CCR3: variants seen among roughly 807,000 people sequenced by gnomAD.
CCR3 encodes C-C motif chemokine receptor 3.
For synonymous variants in CCR3, 203 were observed against 179.2 expected, an observed-to-expected ratio of 1.13 and a Z score of -1.06; for missense variants, 419 against 437.5, an observed-to-expected ratio of 0.96 and a Z score of 0.38.
intron 1 of CCR3, among the ~76,000 whole-genome samples, chr3:46,249,180 C>T (rs1158128429): frequency 6.6e-5 from 10 of 151,914 alleles, no homozygotes; most frequent in South Asian, 2.1e-4. Flanking sequence ...AAGAAGAGGA[C>T]GCAAAGGAGG....
intron 2 of CCR3, among the ~76,000 whole-genome samples, chr3:46,226,827 G>T (rs1699902786): frequency 6.6e-6 from 1 of 151,356 alleles, no homozygotes. Context: ...TCTATTTTTA[G>T]TTTGCTGAGT....
intron 1 of CCR3, among the ~76,000 whole-genome samples, chr3:46,243,123 A>T (rs1226990197): frequency 1.3e-5 from 2 of 151,620 alleles, no homozygotes; most frequent in African/African-American, 2.4e-5. Context: ...ATATAAAATG[A>T]TGTAGTATTT....
rs1699785770 is a variant in CCR3 at position 46,217,192 on chromosome 3, CCAA to C, written c.-68+6291_-68+6293del. On this transcript the variant is annotated intron_variant, in intron 2 of 3. Coordinates refer to the CCR3 transcript ENST00000357422. ...TATATCAGTCAAAACAGACTTAAAA[CCAA>C]CAACAGTTAAAAAAGACAAAGAGAA... Among the ~76,000 whole-genome samples the C allele has an allele frequency of 3.3e-5, 5 of 152,186 alleles. No individual in the cohort carries two copies. The South Asian group carries it at 1.0e-3, about 32-fold the overall frequency.
At chr3:46,264,522 A>G (rs1343438912) in intron 1 of CCR3, 3 of 953,428 alleles carry the variant, frequency 3.1e-6, no homozygotes, top group Non-Finnish European at 4.8e-6. Flanking sequence ...GACAGGAGAA[A>G]TGGACATGGA....
chr3:46,225,326 T>G (rs992442453), intron 2 of CCR3, among the ~76,000 whole-genome samples: 1 of 152,218 alleles, frequency 6.6e-6, no homozygotes, highest in Admixed American at 6.5e-5. Flanking sequence ...AGGCATTAAC[T>G]CATTAGGCAT....
chr3:46,265,871 T>A lies in CCR3; in HGVS notation c.713T>A (p.Ile238Asn). 1 of 1,614,144 alleles carries A rather than the reference T, an allele frequency of 6.2e-7. No homozygotes were observed. Among genetic ancestry groups the A allele is most frequent in the Non-Finnish European group, 8.5e-7 (1 of 1,180,002 alleles). The change falls in exon 2 of 2, where the codon ATC (isoleucine) becomes AAC (asparagine). Residue 238 changes from isoleucine to asparagine, a missense_variant. Physicochemically the swap from Ile to Asn is moderately radical, Grantham distance 149 (BLOSUM62 -3). Transcript: ENST00000395940. Reference protein sequence around the residue: ...RCPSKKKYKAIRLIFVIMAVF... With the variant: ...RCPSKKKYKANRLIFVIMAVF... ...CCCAGTAAAAAAAAGTACAAGGCCA[T>A]CCGGCTCATTTTTGTCATCATGGCG...
Position 46,266,217 on chromosome 3 carries a change from T to G in CCR3, c.1059T>G (p.Ile353Met), listed in dbSNP as rs770844970. The stretch of plus-strand genomic sequence containing the variant: ...CCACAGCAGAGCCGGAACTCTCTAT[T>G]GTGTTTTAGGTCAGATGCAGAAAAT... Reference protein sequence around the residue: ...SPSTAEPELSIVF With the variant: ...SPSTAEPELSMVF Residue 353 changes from isoleucine (I) to methionine (M), a missense_variant, in exon 2 of 2, where the codon ATT becomes ATG. Physicochemically the swap from Ile to Met is conservative, Grantham distance 10. Coordinates refer to ENST00000395940, the MANE Select transcript of CCR3 (RefSeq NM_178329.3). 6.2e-7 allele frequency: 1 copy of G among 1,609,486 alleles called. No homozygotes were observed. Among genetic ancestry groups the G allele is most frequent in the African/African-American group, 1.3e-5 (1 of 74,906 alleles).
Position 46,265,214 on chromosome 3 carries a change from A to G in CCR3, c.56A>G (p.Asp19Gly). The change falls in exon 2 of 2, where the codon GAC becomes GGC. Residue 19 changes from aspartate (D) to glycine (G), a missense_variant. Asp to Gly is a moderately conservative substitution (Grantham distance 94). Coordinates refer to ENST00000395940, the MANE Select transcript of CCR3 (RefSeq NM_178329.3). Reference sequence around the variant, plus strand: ...TTTGGTACCACATCCTACTATGATGACGTGGGCCTGCTCTGTGAAAAAGCT... The same window carrying G: ...TTTGGTACCACATCCTACTATGATGGCGTGGGCCTGCTCTGTGAAAAAGCT... ...ETFGTTSYYD[D>G]VGLLCEKADT... The G allele has an allele frequency of 6.2e-7, 1 of 1,614,058 alleles. No homozygotes were observed. Among genetic ancestry groups the G allele is most frequent in the East Asian group, 2.2e-5 (1 of 44,860 alleles).
intron 2 of CCR3, among the ~76,000 whole-genome samples, chr3:46,214,262 C>T (rs1378261615): frequency 6.6e-6 from 1 of 152,098 alleles, no homozygotes; most frequent in Non-Finnish European, 1.5e-5. Context: ...TACAAGCCCC[C>T]ACCTCTCACC....
At chr3:46,259,600 T>C (rs542710751) in intron 1 of CCR3, among the ~76,000 whole-genome samples, 101 of 152,328 alleles carry the variant, frequency 6.6e-4, no homozygotes, top group Admixed American at 4.4e-3. Flanking sequence ...TCCCATGCAA[T>C]GTAATATGTT....
intron 2 of CCR3, among the ~76,000 whole-genome samples, chr3:46,218,856 C>T (rs887740184): frequency 2.6e-5 from 4 of 152,182 alleles, no homozygotes; most frequent in East Asian, 3.9e-4. Flanking sequence ...TCTATGACAA[C>T]CCCACAGCTA....
chr3:46,262,560 C>G (rs1700545925), intron 1 of CCR3, among the ~76,000 whole-genome samples: 1 of 152,166 alleles, frequency 6.6e-6, no homozygotes, highest in African/African-American at 2.4e-5. Context: ...ATTCAAACCT[C>G]TTCACTATTT....
At chr3:46,219,594 C>T (rs1383775728) in intron 2 of CCR3, among the ~76,000 whole-genome samples, 2 of 152,142 alleles carry the variant, frequency 1.3e-5, no homozygotes, top group African/African-American at 4.8e-5. Context: ...TACTACAAGG[C>T]TATAGTTACC....
chr3:46,262,092 T>C (rs897539831), intron 1 of CCR3, among the ~76,000 whole-genome samples: 9 of 152,138 alleles, frequency 5.9e-5, no homozygotes, highest in Admixed American at 6.5e-5. Context: ...TGGCCCTTCC[T>C]CCAGATCTCT....
In CCR3 at chr3:46,265,607, G is replaced by C; in HGVS notation, c.449G>C (p.Gly150Ala). Residue 150 changes from glycine to alanine, a missense_variant, in exon 2 of 2, where the codon GGT (glycine) becomes GCT (alanine). Physicochemically the swap from Gly to Ala is moderately conservative, Grantham distance 60. Coordinates refer to ENST00000395940, the MANE Select transcript of CCR3 (RefSeq NM_178329.3). ...FALRARTVTF[G>A]VITSIVTWGL... ...CTTCGAGCCCGGACTGTCACTTTTG[G>C]TGTCATCACCAGCATCGTCACCTGG... 1.2e-6 allele frequency: 2 copies of C among 1,614,094 alleles called. No homozygotes were observed. Among genetic ancestry groups the C allele is most frequent in the Non-Finnish European group, 1.7e-6 (2 of 1,180,022 alleles).
At chr3:46,241,807 C>T (rs934562602), upstream of CCR3, among the ~76,000 whole-genome samples, 26 of 152,160 alleles carry the variant, frequency 1.7e-4, no homozygotes, top group Middle Eastern at 3.4e-3. Flanking sequence ...ATTCCTTTGC[C>T]GGGAAATTCT....
chr3:46,214,717 T>C (rs990348319), intron 2 of CCR3, among the ~76,000 whole-genome samples: 2 of 152,112 alleles, frequency 1.3e-5, no homozygotes, highest in Non-Finnish European at 2.9e-5. Flanking sequence ...AGATAGTGCC[T>C]CCACCTTTCC....
At chr3:46,240,842 C>A (rs1030530973), upstream of CCR3, among the ~76,000 whole-genome samples, 9 of 152,176 alleles carry the variant, frequency 5.9e-5, no homozygotes, top group African/African-American at 2.2e-4. Context: ...ACGGTGATAT[C>A]CCTATTAAGC....
intron 1 of CCR3, chr3:46,264,312 T>A: frequency 1.1e-6 from 1 of 933,134 alleles, no homozygotes; most frequent in Non-Finnish European, 1.7e-6. Context: ...ATGCTGCTTA[T>A]AATTGTAATT....
Sources: gnomAD v4.1 joint callset for allele counts (sites outside exome capture counted in the v4.1 genomes callset) on GRCh38, gnomAD v4.1.1 for gene constraint, MANE v1.5 for transcripts, NCBI Gene and HGNC (gene_info 2026-07-23, HGNC 2026-07-21) for gene names.